The following CDH23 variants were observed in gnomAD, a reference collection of about 807,000 sequenced individuals.
CDH23 encodes the protein cadherin-23.
A neutral mutation model predicts 317.1 loss-of-function variants in CDH23; 189 were observed. The observed-to-expected ratio is 0.60, with a 90% CI of 0.53 to 0.67. The LOEUF is 0.67. CDH23 is among the 30% of genes least tolerant of loss of function. The pLI, the probability that CDH23 is intolerant of heterozygous loss-of-function variation, is 0.00. For missense variants in CDH23, 4,401 were observed against 4,592.4 expected, an observed-to-expected ratio of 0.96 and a Z score of 1.20; for synonymous variants, 1,839 against 1,876.8, an observed-to-expected ratio of 0.98 and a Z score of 0.52.
intron 6 of CDH23, among the ~76,000 whole-genome samples, chr10:71,549,871 G>A (rs971919309): frequency 2.0e-5 from 3 of 152,208 alleles, no homozygotes; most frequent in Non-Finnish European, 2.9e-5. Flanking sequence ...CTTGTGGGGC[G>A]GGGTCGGGGA....
chr10:71,541,381 A>G (rs1306654529), intron 6 of CDH23, among the ~76,000 whole-genome samples: 2 of 152,212 alleles, frequency 1.3e-5, no homozygotes, highest in Non-Finnish European at 2.9e-5. Context: ...CAGGGAACCT[A>G]TGGACCTGTG....
chr10:71,734,131 A>T, intron 32 of CDH23, 109 bp from the exon 33 acceptor site: 1 of 859,428 alleles, frequency 1.2e-6, no homozygotes, highest in Non-Finnish European at 1.9e-6. Context: ...TGTCCTGGGG[A>T]AGTTATGCCG....
At chr10:71,794,938 G>T (rs773423225) in intron 48 of CDH23, among the ~76,000 whole-genome samples, 2 of 152,192 alleles carry the variant, frequency 1.3e-5, no homozygotes, top group African/African-American at 4.8e-5. Flanking sequence ...TATCATGGGT[G>T]TGCATCATGG....
chr10:71,591,031 G>A (rs1859460669), intron 9 of CDH23, among the ~76,000 whole-genome samples: 1 of 152,084 alleles, frequency 6.6e-6, no homozygotes, highest in Admixed American at 6.5e-5. Flanking sequence ...TATATAAATG[G>A]AAACTGAAAA....
intron 18 of CDH23, among the ~76,000 whole-genome samples, chr10:71,682,866 G>A (rs1864711792): frequency 6.6e-6 from 1 of 152,220 alleles, no homozygotes; most frequent in South Asian, 2.1e-4. Context: ...GTGGGGAACA[G>A]GAGCTGGGAG....
At chr10:71,509,845 TG>T (rs1375047625) in intron 3 of CDH23, 1 of 547,684 alleles carries the variant, frequency 1.8e-6, no homozygotes, top group Non-Finnish European at 3.3e-6. Context: ...ACTCAGAACA[TG>T]GTGAGTGGTG....
At chr10:71,755,163 T>C in intron 38 of CDH23, 3 of 668,988 alleles carry the variant, frequency 4.5e-6, no homozygotes, top group Non-Finnish European at 8.2e-6. Flanking sequence ...GGTGGGCACT[T>C]GGCCCCCGGA....
At chr10:71,481,996 G>C (rs575462354) in intron 3 of CDH23, among the ~76,000 whole-genome samples, 3 of 152,154 alleles carry the variant, frequency 2.0e-5, no homozygotes, top group Admixed American at 6.5e-5. Flanking sequence ...GCTGGCGTGA[G>C]TGTGAGTCCT....
At chr10:71,581,759 G>A (rs1041930742) in intron 9 of CDH23, among the ~76,000 whole-genome samples, 1 of 152,142 alleles carries the variant, frequency 6.6e-6, no homozygotes, top group Admixed American at 6.5e-5. Flanking sequence ...CATTTTCTTG[G>A]GGGCCTGACC....
intron 1 of CDH23, among the ~76,000 whole-genome samples, chr10:71,398,535 G>A (rs541200837): frequency 2.0e-5 from 3 of 151,716 alleles, no homozygotes; most frequent in East Asian, 1.9e-4. Flanking sequence ...GGGGTGGGGC[G>A]GGCTTTAAGA....
At chr10:71,632,687 G>A (rs1228954754) in intron 11 of CDH23, among the ~76,000 whole-genome samples, 5 of 152,028 alleles carry the variant, frequency 3.3e-5, no homozygotes, top group Admixed American at 6.5e-5. Context: ...GCTGTGCAGC[G>A]GCCAGGTTCC....
intron 8 of CDH23, 104 bp downstream of exon 8, chr10:71,571,022 G>C (rs1026056412): frequency 3.8e-6 from 5 of 1,320,108 alleles, no homozygotes; most frequent in African/African-American, 2.9e-5. Flanking sequence ...CTCCTCCTTG[G>C]CTCCTCCGCA....
At chr10:71,632,494 T>G (rs1862059866) in intron 11 of CDH23, among the ~76,000 whole-genome samples, 1 of 151,878 alleles carries the variant, frequency 6.6e-6, no homozygotes, top group Non-Finnish European at 1.5e-5. Flanking sequence ...AGAGCACCGG[T>G]GGGTGGGGAC....
chr10:71,543,477 C>T (rs1356500771), intron 6 of CDH23, among the ~76,000 whole-genome samples: 2 of 152,180 alleles, frequency 1.3e-5, no homozygotes, highest in Admixed American at 6.5e-5. Flanking sequence ...CATATGCAGC[C>T]GATGCTGTCC....
chr10:71,601,039 T>A (rs976695207), intron 9 of CDH23, among the ~76,000 whole-genome samples: 1 of 152,186 alleles, frequency 6.6e-6, no homozygotes, highest in Non-Finnish European at 1.5e-5. Context: ...AAATCTGTAG[T>A]TTTTTTCCTT....
chr10:71,458,079 A>G (rs933611374), intron 3 of CDH23, among the ~76,000 whole-genome samples: 6 of 152,052 alleles, frequency 3.9e-5, no homozygotes, highest in Non-Finnish European at 8.8e-5. Flanking sequence ...AGAGCTGAAT[A>G]CCCTCCAGCT....
At chr10:71,603,756 A>C (rs1484987202) in intron 9 of CDH23, among the ~76,000 whole-genome samples, 3 of 152,184 alleles carry the variant, frequency 2.0e-5, no homozygotes, top group Non-Finnish European at 4.4e-5. Context: ...TGAGACCCAA[A>C]AGACCCAGGT....
intron 48 of CDH23, among the ~76,000 whole-genome samples, chr10:71,796,311 G>T (rs888910343): frequency 2.6e-5 from 4 of 152,148 alleles, no homozygotes; most frequent in African/African-American, 7.2e-5. Context: ...TCCAGTCCCC[G>T]CCCATGCTTC....
chr10:71,771,712 T>G (rs2132912934), intron 38 of CDH23, among the ~76,000 whole-genome samples: 1 of 152,266 alleles, frequency 6.6e-6, no homozygotes, highest in Non-Finnish European at 1.5e-5. Flanking sequence ...TAGTATACCA[T>G]GTTGTTTGAG....
Sources: gnomAD v4.1 joint callset for allele counts (sites outside exome capture counted in the v4.1 genomes callset) on GRCh38, gnomAD v4.1.1 for gene constraint, MANE v1.5 for transcripts, NCBI Gene and HGNC (gene_info 2026-07-23, HGNC 2026-07-21) for gene names.